ABCA1: variants seen among roughly 807,000 people sequenced by gnomAD.
ABCA1 encodes the protein phospholipid-transporting ATPase ABCA1.
A neutral mutation model predicts 262.5 loss-of-function variants in ABCA1; 133 were observed. The observed-to-expected ratio is 0.51, with a 90% CI of 0.44 to 0.59. The LOEUF is 0.59. Ranked by LOEUF, ABCA1 falls within the 20% of genes least tolerant of loss-of-function variation. The pLI, the probability that ABCA1 is intolerant of heterozygous loss-of-function variation, is 0.00. For synonymous variants in ABCA1, 1,022 were observed against 1,043.5 expected (o/e 0.98, Z 0.40); for missense variants, 2,452 against 2,777.5 (o/e 0.88, Z 2.63).
At chr9:104,926,348 A>C (rs10991417) in intron 1 of ABCA1, among the ~76,000 whole-genome samples, 86,075 of 151,632 alleles carry the variant, frequency 0.57, 25,318 homozygotes, top group African/African-American at 0.72. Flanking sequence ...TTTTGATAAA[A>C]GATATACCTA....
intron 5 of ABCA1, among the ~76,000 whole-genome samples, chr9:104,877,360 A>G (rs898499964): frequency 2.0e-5 from 3 of 152,162 alleles, no homozygotes; most frequent in Admixed American, 6.5e-5. Context: ...TGCACCCACT[A>G]CTGTGCTGGG....
intron 10 of ABCA1, 93 bp downstream of exon 10, chr9:104,837,335 T>C (rs1230610778): frequency 5.2e-6 from 8 of 1,531,378 alleles, no homozygotes; most frequent in African/African-American, 1.4e-5. Context: ...GCCGTGAGTA[T>C]ACTTAGCGCA....
intron 7 of ABCA1, among the ~76,000 whole-genome samples, chr9:104,850,591 A>G (rs191149661): frequency 3.9e-5 from 6 of 152,378 alleles, no homozygotes; most frequent in African/African-American, 1.4e-4. Flanking sequence ...ACAGACAGAT[A>G]ACTTCCTTGA....
chr9:104,926,442 A>C (rs1433046699), intron 1 of ABCA1, among the ~76,000 whole-genome samples: 1 of 124,552 alleles, frequency 8.0e-6, no homozygotes, highest in Admixed American at 8.7e-5. Flanking sequence ...GTTGGCAAAC[A>C]CGCTAACAAA....
At chr9:104,925,660 T>C (rs538400743) in intron 1 of ABCA1, among the ~76,000 whole-genome samples, 7 of 152,316 alleles carry the variant, frequency 4.6e-5, no homozygotes, top group African/African-American at 1.7e-4. Flanking sequence ...TTTCCTAAAA[T>C]TCCCTAGCAT....
chr9:104,791,819 CA>C, intron 43 of ABCA1, 116 bp downstream of exon 43: 1 of 953,056 alleles, frequency 1.0e-6, no homozygotes, highest in Admixed American at 2.0e-5. Context: ...TCCATCCTGG[CA>C]TAAATACAGA....
intron 4 of ABCA1, among the ~76,000 whole-genome samples, chr9:104,883,854 T>G (rs567130888): frequency 1.3e-5 from 2 of 152,308 alleles, no homozygotes; most frequent in South Asian, 2.1e-4. Flanking sequence ...GGACACTTAT[T>G]ATGCCCATAC....
intron 30 of ABCA1, 34 bp downstream of exon 30, chr9:104,809,432 C>T (rs1483630840): frequency 6.2e-7 from 1 of 1,601,946 alleles, no homozygotes; most frequent in Non-Finnish European, 8.6e-7. Flanking sequence ...GCAACAAGCA[C>T]AAGAAGCCTG....
chr9:104,798,010 G>A (rs4149323), intron 37 of ABCA1, among the ~76,000 whole-genome samples: 9,922 of 152,290 alleles, frequency 0.065, 419 homozygotes, highest in East Asian at 0.23. Context: ...TGGATAAGCT[G>A]CTGATAAAAT....
intron 3 of ABCA1, among the ~76,000 whole-genome samples, chr9:104,888,058 GGTGTGTGT>G (rs10693809): frequency 3.6e-5 from 5 of 140,304 alleles, no homozygotes; most frequent in African/African-American, 1.2e-4. Context: ...TTTCTTGAGG[GGTGTGTGT>G]GTGTGTGTGT....
chr9:104,820,607 T>C lies in ABCA1; in HGVS notation c.2961-538A>G, dbSNP rs184137271. 7.2e-5 allele frequency among the ~76,000 whole-genome samples: 11 copies of C among 152,338 alleles called. No individual in the cohort carries two copies. The East Asian group carries it at 7.7e-4, about 11-fold the overall frequency. ...AGATTGCAGAGCTCAGGTCTCTCTC[T>C]GCTCCATCACACGGGCTCCCTGGGG... On this transcript the variant is annotated intron_variant, in intron 20 of 49. Coordinates refer to ENST00000374736, the MANE Select transcript of ABCA1 (RefSeq NM_005502.4).
At chr9:104,919,383 G>T (rs1335257019) in intron 1 of ABCA1, among the ~76,000 whole-genome samples, 1 of 152,110 alleles carries the variant, frequency 6.6e-6, no homozygotes, top group Non-Finnish European at 1.5e-5. Flanking sequence ...AAGCCAAGGT[G>T]GGCAGATCAC....
At chr9:104,856,528 G>T (rs539826917) in intron 7 of ABCA1, among the ~76,000 whole-genome samples, 2 of 152,284 alleles carry the variant, frequency 1.3e-5, no homozygotes, top group African/African-American at 2.4e-5. Context: ...ACTCTGTCAC[G>T]CTGCTAATCC....
At position 104,926,470 on chromosome 9, in the gene ABCA1, C is replaced by CAAAAAAAA. The variant is rs781060719; in HGVS notation, c.-93+1457_-93+1464dup. Among the ~76,000 whole-genome samples, 17 of 118,740 alleles carry CAAAAAAAA rather than the reference C, an allele frequency of 1.4e-4. 1 individual carries two copies. The highest frequency in any genetic ancestry group is 4.2e-3 in the Middle Eastern group (1 of 240). The allele number at this position is 118,740 out of a possible 152,430, so 77.9% of individuals were successfully genotyped here. The stretch of plus-strand genomic sequence containing the variant: ...CTAACAAAAAAAAAAACCAAAAAAA[C>CAAAAAAAA]AAAAAAAAAAAAACAAAACGGGCTT... On this transcript the variant is annotated intron_variant, in intron 1 of 49. Coordinates refer to ENST00000374736, the MANE Select transcript of ABCA1 (RefSeq NM_005502.4).
chr9:104,839,362 G>A (rs1039807094), intron 9 of ABCA1, among the ~76,000 whole-genome samples: 1 of 152,184 alleles, frequency 6.6e-6, no homozygotes, highest in African/African-American at 2.4e-5. Flanking sequence ...TGGCTCTTGT[G>A]GATTAACTCT....
At position 104,831,057 on chromosome 9, in the gene ABCA1, C is replaced by G. The variant is rs761777926; in HGVS notation, c.1760G>C (p.Arg587Pro). ...GPRADPFEDM[R>P]YVWGGFAYLQ... ...GTAGGCGAAGCCCCCCCAGACGTACCGCATGTCCTCAAAGGGGTCAGCTCG... is the reference window on the plus strand; with the variant it reads ...GTAGGCGAAGCCCCCCCAGACGTACGGCATGTCCTCAAAGGGGTCAGCTCG... The change falls in exon 14 of 50, where the codon CGG becomes CCG. Residue 587 changes from arginine (R) to proline (P), a missense_variant. Physicochemically the swap from Arg to Pro is moderately radical, Grantham distance 103. Around this residue, in one of 4 missense-constraint regions of ABCA1, gnomAD observed 1,032 missense variants for 1,089.7 expected, o/e 0.95. Transcript: ENST00000374736. 1.2e-6 allele frequency: 2 copies of G among 1,613,322 alleles called. No homozygotes were observed. The highest frequency in any genetic ancestry group is 1.3e-5 in the African/African-American group (1 of 74,728).
intron 1 of ABCA1, among the ~76,000 whole-genome samples, chr9:104,919,144 G>A (rs12347523): frequency 3.9e-5 from 6 of 151,902 alleles, no homozygotes; most frequent in African/African-American, 9.7e-5. Context: ...GTGTCTTACC[G>A]ACCTACCCCC....
chr9:104,831,821 T>A lies in ABCA1; in HGVS notation c.1516A>T (p.Asn506Tyr), dbSNP rs1833354868. Residue 506 changes from asparagine to tyrosine, a missense_variant, in exon 13 of 50, where the codon AAC becomes TAC. By Grantham distance (143) the Asn-to-Tyr change is moderately radical. Around this residue, in one of 4 missense-constraint regions of ABCA1, gnomAD observed 1,032 missense variants for 1,089.7 expected, o/e 0.95. Coordinates refer to ENST00000374736, the MANE Select transcript of ABCA1 (RefSeq NM_005502.4). ...GCTATGGGTTCTAGCTTGTTCAGGT[T>A]GACACACTGATAGAAGAACAGCCTT... Reference protein sequence around the residue: ...RTISRFMECVNLNKLEPIATE... With the variant: ...RTISRFMECVYLNKLEPIATE... 6.2e-7 allele frequency: 1 copy of A among 1,614,082 alleles called. No homozygotes were observed. The highest frequency in any genetic ancestry group is 1.3e-5 in the African/African-American group (1 of 74,928).
chr9:104,873,595 C>G (rs1170374671), intron 5 of ABCA1, among the ~76,000 whole-genome samples: 1 of 152,190 alleles, frequency 6.6e-6, no homozygotes, highest in Non-Finnish European at 1.5e-5. Context: ...GCACGAGAAA[C>G]TGGAATTCTG....
Sources: allele counts gnomAD v4.1 joint callset (sites outside exome capture counted in the v4.1 genomes callset), GRCh38; gene constraint gnomAD v4.1.1; regional missense constraint gnomAD v4.1.1; transcripts MANE v1.5; gene names NCBI Gene and HGNC (gene_info 2026-07-23, HGNC 2026-07-21).